The following C3orf70 variants were observed in gnomAD, a reference collection of about 807,000 sequenced individuals.
C3orf70 encodes chromosome 3 open reading frame 70.
C3orf70 carries 15 observed loss-of-function variants against 20.7 expected under a neutral mutation model. The ratio of observed to expected loss-of-function variants is 0.72; its 90% confidence interval spans 0.48 to 1.11. C3orf70 has a LOEUF of 1.11. Among genes scored for constraint, C3orf70 ranks in the 50% most tolerant of loss-of-function variants. The probability of loss-of-function intolerance (pLI) is 0.00; values close to 1 mark genes in which losing one functional copy is unlikely to be tolerated. For synonymous variants in C3orf70, 161 were observed against 125.7 expected (o/e 1.28, Z -1.88); for missense variants, 332 against 317.6 (o/e 1.05, Z -0.34).
At chr3:185,149,109 T>C (rs1175342238) in intron 1 of C3orf70, among the ~76,000 whole-genome samples, 3 of 152,206 alleles carry the variant, frequency 2.0e-5, no homozygotes, top group African/African-American at 7.2e-5. Flanking sequence ...AAATACAGTA[T>C]GGGCTGGGCA....
chr3:185,141,058 A>G (rs1716741457), intron 1 of C3orf70, among the ~76,000 whole-genome samples: 2 of 152,126 alleles, frequency 1.3e-5, no homozygotes, highest in South Asian at 4.1e-4. Flanking sequence ...GAAATCAGCA[A>G]TCTAAAACCC....
chr3:185,100,213 C>T (rs1236925914), intron 1 of C3orf70, among the ~76,000 whole-genome samples: 1 of 152,206 alleles, frequency 6.6e-6, no homozygotes, highest in East Asian at 1.9e-4. Context: ...TAGACATCTA[C>T]ATTACCTCTC....
Position 185,113,285 on chromosome 3 carries a change from C to CAAAAAAAT in C3orf70, c.197-29723_197-29722insATTTTTTT, listed in dbSNP as rs55966497. Among the ~76,000 whole-genome samples, 2 of 138,502 alleles carry CAAAAAAAT rather than the reference C, an allele frequency of 1.4e-5. 1 individual carries two copies. Among genetic ancestry groups the CAAAAAAAT allele is most frequent in the South Asian group, 4.5e-4 (2 of 4,484 alleles). The allele number at this position is 138,502 out of a possible 152,430, so 90.9% of individuals were successfully genotyped here. A position where few individuals can be genotyped will look rare whatever the true frequency, so the allele number is the denominator to read the frequency against. On this transcript the variant is annotated intron_variant, in intron 1 of 1. Coordinates refer to ENST00000335012, the MANE Select transcript of C3orf70 (RefSeq NM_001025266.3). ...GAAACCCCATCTCTACTAAAAAATA[C>CAAAAAAAT]AAAAAAGAAAAAAAGAAAGTTAATG...
At chr3:185,112,192 AG>A (rs1286058518) in intron 1 of C3orf70, among the ~76,000 whole-genome samples, 1 of 152,214 alleles carries the variant, frequency 6.6e-6, no homozygotes, top group Non-Finnish European at 1.5e-5. Flanking sequence ...TGGGAAGCTG[AG>A]GCAGGAGAAT....
At chr3:185,094,074 GTTTT>G (rs71162282) in intron 1 of C3orf70, among the ~76,000 whole-genome samples, 5 of 80,644 alleles carry the variant, frequency 6.2e-5, no homozygotes, top group African/African-American at 1.5e-4. Context: ...ATACCCTGGG[GTTTT>G]TTTTTTTTTT....
intron 1 of C3orf70, among the ~76,000 whole-genome samples, chr3:185,096,591 G>A (rs1445317465): frequency 6.6e-6 from 1 of 152,292 alleles, no homozygotes; most frequent in African/African-American, 2.4e-5. Context: ...CACTTTCTTG[G>A]TGGAGGGTGC....
intron 1 of C3orf70, among the ~76,000 whole-genome samples, chr3:185,104,138 G>A (rs563623910): frequency 1.9e-4 from 29 of 152,238 alleles, no homozygotes; most frequent in Admixed American, 9.2e-4. Flanking sequence ...TCCCCCCTCC[G>A]CTGTGGACAG....
chr3:185,148,076 A>G (rs1190835416), intron 1 of C3orf70, among the ~76,000 whole-genome samples: 9 of 152,230 alleles, frequency 5.9e-5, no homozygotes, highest in Non-Finnish European at 1.0e-4. Context: ...ATGTCCTAAA[A>G]GAAAACACTC....
chr3:185,092,508 A>G (rs1040533216), intron 1 of C3orf70, among the ~76,000 whole-genome samples: 1 of 152,194 alleles, frequency 6.6e-6, no homozygotes, highest in Non-Finnish European at 1.5e-5. Context: ...TTGAGCCTCA[A>G]TTATATGCCA....
At chr3:185,125,426 CAACAAA>C (rs1276097200) in intron 1 of C3orf70, among the ~76,000 whole-genome samples, 4 of 130,476 alleles carry the variant, frequency 3.1e-5, no homozygotes, top group African/African-American at 8.4e-5. Flanking sequence ...ACAACAACAA[CAACAAA>C]AACCAGTTTG....
At chr3:185,088,641 T>C (rs1388745030) in intron 1 of C3orf70, among the ~76,000 whole-genome samples, 2 of 152,238 alleles carry the variant, frequency 1.3e-5, no homozygotes, top group African/African-American at 4.8e-5. Context: ...ATAAACTTCG[T>C]TACAGGTGAT....
intron 1 of C3orf70, among the ~76,000 whole-genome samples, chr3:185,116,597 G>A (rs1419330096): frequency 6.6e-6 from 1 of 152,120 alleles, no homozygotes; most frequent in Non-Finnish European, 1.5e-5. Flanking sequence ...ATGTTTCCAG[G>A]CATTACCAAA....
At chr3:185,111,416 G>T (rs979802671) in intron 1 of C3orf70, among the ~76,000 whole-genome samples, 1 of 152,122 alleles carries the variant, frequency 6.6e-6, no homozygotes, top group Admixed American at 6.5e-5. Flanking sequence ...ATTTTAAAAT[G>T]ATCAAAAGGA....
At chr3:185,134,260 A>T (rs1716579333) in intron 1 of C3orf70, among the ~76,000 whole-genome samples, 1 of 152,190 alleles carries the variant, frequency 6.6e-6, no homozygotes, top group Admixed American at 6.5e-5. Flanking sequence ...AACCATGAAA[A>T]CTTTTACCTA....
intron 1 of C3orf70, among the ~76,000 whole-genome samples, chr3:185,147,589 C>A (rs959361447): frequency 3.9e-5 from 6 of 152,216 alleles, no homozygotes; most frequent in African/African-American, 1.4e-4. Flanking sequence ...CCAGGCTCTA[C>A]TCCTTACTAT....
rs1038641072 is a variant in C3orf70, at chr3:185,077,302, T to C, written c.*5705A>G. On this transcript the variant is annotated 3_prime_UTR_variant, in exon 2 of 2. Coordinates refer to ENST00000335012, the MANE Select transcript of C3orf70 (RefSeq NM_001025266.3). ...AGTAATGCAGACAATGGGCCAAGAGTGCGGACTCTAGAGCCAAAGTGACCG... is the reference window on the plus strand; with the variant it reads ...AGTAATGCAGACAATGGGCCAAGAGCGCGGACTCTAGAGCCAAAGTGACCG... Among the ~76,000 whole-genome samples the C allele has an allele frequency of 6.6e-6, 1 of 151,766 alleles. No individual in the cohort carries two copies. The highest frequency in any genetic ancestry group is 2.4e-5 in the African/African-American group (1 of 41,280).
intron 1 of C3orf70, among the ~76,000 whole-genome samples, chr3:185,119,300 T>TA (rs1031373067): frequency 2.4e-4 from 37 of 152,264 alleles, no homozygotes; most frequent in African/African-American, 8.7e-4. Flanking sequence ...TCTGGGGACT[T>TA]AAAGTACAGC....
intron 1 of C3orf70, among the ~76,000 whole-genome samples, chr3:185,098,626 GA>G (rs556854364): frequency 3.0e-4 from 45 of 151,196 alleles, no homozygotes; most frequent in African/African-American, 1.0e-3. Context: ...AATCCACAGA[GA>G]AAAAAATGTA....
chr3:185,078,571 T>C lies in C3orf70; in HGVS notation c.*4436A>G, dbSNP rs1715250609. On this transcript the variant is annotated 3_prime_UTR_variant, in exon 2 of 2. Coordinates refer to ENST00000335012, the MANE Select transcript of C3orf70 (RefSeq NM_001025266.3). ...ACAGCACTGACCACGTGTGTGGAAC[T>C]CCCACTGGCTTCCCCCTTCTTCCCT... is the stretch of plus-strand genomic sequence containing the variant. 6.6e-6 allele frequency: 1 copy of C among 152,328 alleles called. No homozygotes were observed. The highest frequency in any genetic ancestry group is 2.1e-4 in the South Asian group (1 of 4,822). The allele number at this position is 152,328 out of a possible 1,614,324, so 9.4% of individuals were successfully genotyped here.
Sources: allele counts gnomAD v4.1 joint callset (sites outside exome capture counted in the v4.1 genomes callset), GRCh38; gene constraint gnomAD v4.1.1; transcripts MANE v1.5; gene names NCBI Gene and HGNC (gene_info 2026-07-23, HGNC 2026-07-21).